Variants in MIER2 observed in about 807,000 individuals in gnomAD.
MIER2 encodes the protein mesoderm induction early response protein 2.
Under a neutral mutation model 67.6 loss-of-function variants are expected in MIER2, and 30 were observed. That is an observed-to-expected ratio of 0.44 (90% CI 0.33 to 0.60). The LOEUF (loss-of-function observed/expected upper bound fraction) is 0.60. MIER2 is among the 20% of genes least tolerant of loss of function. The pLI is 0.02. For synonymous variants in MIER2, 372 were observed against 312.6 expected (o/e 1.19, Z -2.00); for missense variants, 702 against 745.1 (o/e 0.94, Z 0.67).
intron 7 of MIER2, among the ~76,000 whole-genome samples, chr19:324,195 C>G (rs546147227): frequency 7.0e-6 from 1 of 143,132 alleles, no homozygotes. Context: ...CACAACCACG[C>G]AGACGACTCG....
chr19:316,891 C>T (rs565488199), intron 7 of MIER2, among the ~76,000 whole-genome samples: 154 of 152,076 alleles, frequency 1.0e-3, no homozygotes, highest in Middle Eastern at 3.4e-3. Flanking sequence ...ATCGCTTGAG[C>T]CCAGGAGGCG....
chr19:336,143 CGCGAGGACTCTGCCTCCCCA>C lies in MIER2; in HGVS notation c.20_39del (p.Leu7ArgfsTer44), dbSNP rs756923808. 2 of 1,613,424 alleles carry C rather than the reference CGCGAGGACTCTGCCTCCCCA, an allele frequency of 1.2e-6. No homozygotes were observed. Among genetic ancestry groups the C allele is most frequent in the Non-Finnish European group, 1.7e-6 (2 of 1,179,540 alleles). On this transcript the variant is annotated frameshift_variant, in exon 2 of 14. Coordinates refer to ENST00000264819, the MANE Select transcript of MIER2 (RefSeq NM_017550.3). LOFTEE classifies it high-confidence loss of function. ...AGGCTGTGCTCGAGGCAGGAGACCA[CGCGAGGACTCTGCCTCCCCA>C]GCGAGGAGGCCTGCGAAGGAAGAGA... is the stretch of plus-strand genomic sequence containing the variant.
At chr19:344,073 G>A (rs1293769622) in intron 1 of MIER2, 1 of 985,314 alleles carries the variant, frequency 1.0e-6, no homozygotes, top group African/African-American at 1.7e-5. Context: ...TTCAGATAAA[G>A]GGTCCCGGGC....
chr19:324,715 A>G lies in MIER2; in HGVS notation c.655+920T>C, dbSNP rs549340750. 5.3e-5 allele frequency among the ~76,000 whole-genome samples: 8 copies of G among 152,368 alleles called. No homozygotes were observed. The East Asian group carries it at 1.3e-3, about 26-fold the overall frequency. Reference sequence around the variant, plus strand: ...TGACACAGGTGTCATACCGAGTGGGAGGGGCCAGCTGGCATCCCATGGGAC... The same window carrying G: ...TGACACAGGTGTCATACCGAGTGGGGGGGGCCAGCTGGCATCCCATGGGAC... On this transcript the variant is annotated intron_variant, in intron 7 of 13. Transcript: ENST00000264819.
chr19:338,693 G>A (rs10416141), intron 1 of MIER2, among the ~76,000 whole-genome samples: 14,393 of 152,212 alleles, frequency 0.095, 970 homozygotes, highest in African/African-American at 0.18. Context: ...GTGTGGTACT[G>A]CCATAAGGAC....
chr19:332,281 C>T (rs1288563839), intron 3 of MIER2, among the ~76,000 whole-genome samples: 1 of 151,622 alleles, frequency 6.6e-6, no homozygotes, highest in East Asian at 1.9e-4. Flanking sequence ...AATGAGTTAG[C>T]GAATAAGTAT....
At chr19:317,417 C>T (rs1971289577) in intron 7 of MIER2, among the ~76,000 whole-genome samples, 1 of 143,146 alleles carries the variant, frequency 7.0e-6, no homozygotes, top group East Asian at 1.9e-4. Flanking sequence ...GTCCCAGCTA[C>T]TCAGGAGGCT....
At chr19:315,552 C>T (rs72984443) in intron 7 of MIER2, among the ~76,000 whole-genome samples, 19,565 of 152,226 alleles carry the variant, frequency 0.13, 1,651 homozygotes, top group African/African-American at 0.22. Context: ...CCTTCCAGGA[C>T]TGGATAATAC....
intron 1 of MIER2, among the ~76,000 whole-genome samples, chr19:336,546 C>A (rs756878858): frequency 1.3e-5 from 2 of 152,200 alleles, no homozygotes; most frequent in Non-Finnish European, 2.9e-5. Context: ...AGCGTAGGGT[C>A]CACTGATACC....
chr19:337,124 G>A (rs1250547302), intron 1 of MIER2, among the ~76,000 whole-genome samples: 2 of 152,148 alleles, frequency 1.3e-5, no homozygotes, highest in Non-Finnish European at 1.5e-5. Context: ...CATTATGGGT[G>A]TGAGCTACCG....
chr19:343,821 C>T lies in MIER2; in HGVS notation c.9+953G>A, dbSNP rs1568242126. On this transcript the variant is annotated intron_variant, in intron 1 of 13. Coordinates refer to ENST00000264819, the MANE Select transcript of MIER2 (RefSeq NM_017550.3). ...GCACCTTCACCTACATTATCTCTTTCCATCTTCACCAGGGCCCTCCAAGGT... is the reference window on the plus strand; with the variant it reads ...GCACCTTCACCTACATTATCTCTTTTCATCTTCACCAGGGCCCTCCAAGGT... 9 of 984,386 alleles carry T rather than the reference C, an allele frequency of 9.1e-6. No individual in the cohort carries two copies. The South Asian group carries it at 4.2e-4, about 46-fold the overall frequency. 61.0% of individuals were successfully genotyped at this position (984,386 alleles called of 1,614,324 possible).
intron 10 of MIER2, 78 bp from the exon 11 acceptor site, chr19:309,003 TG>T: frequency 6.8e-7 from 1 of 1,479,850 alleles, no homozygotes; most frequent in South Asian, 1.2e-5. Flanking sequence ...CAGGACGTCC[TG>T]GGACCCCGGG....
intron 3 of MIER2, among the ~76,000 whole-genome samples, chr19:332,958 T>C (rs1360712059): frequency 3.5e-5 from 1 of 28,762 alleles, no homozygotes; most frequent in Admixed American, 4.5e-4. Flanking sequence ...GCTGGGACTA[T>C]AGACGTGCAC....
At chr19:327,349 C>A in intron 4 of MIER2, 93 bp from the exon 5 acceptor site, 1 of 1,431,502 alleles carries the variant, frequency 7.0e-7, no homozygotes, top group Non-Finnish European at 9.4e-7. Context: ...ACTGGGAGTG[C>A]CCTGAGGCTC....
At chr19:330,836 C>T (rs1293000931) in intron 3 of MIER2, among the ~76,000 whole-genome samples, 5 of 152,138 alleles carry the variant, frequency 3.3e-5, no homozygotes, top group Non-Finnish European at 7.3e-5. Flanking sequence ...GATCATGGAC[C>T]TTTCTGCCTC....
rs1018639542 is a variant in MIER2 at position 306,500 on chromosome 19, C to T, written c.*190G>A. 6 of 766,426 alleles carry T rather than the reference C, an allele frequency of 7.8e-6. No individual in the cohort carries two copies. The highest frequency in any genetic ancestry group is 3.5e-5 in the African/African-American group (2 of 57,106). The allele number at this position is 766,426 out of a possible 1,614,324, so 47.5% of individuals were successfully genotyped here. A position where few individuals can be genotyped will look rare whatever the true frequency, so the allele number is the denominator to read the frequency against. ...ACGGCGCTGGGTGGGGCCGTGGGTCCATTCTGTGTGGACAGGGGCAAGGGC... is the reference window on the plus strand; with the variant it reads ...ACGGCGCTGGGTGGGGCCGTGGGTCTATTCTGTGTGGACAGGGGCAAGGGC... On this transcript the variant is annotated 3_prime_UTR_variant, in exon 14 of 14. Coordinates refer to ENST00000264819, the MANE Select transcript of MIER2 (RefSeq NM_017550.3).
intron 1 of MIER2, chr19:344,273 G>C: frequency 1.0e-6 from 1 of 985,274 alleles, no homozygotes; most frequent in Non-Finnish European, 1.2e-6. Flanking sequence ...AGCCCCGCCG[G>C]GGGGCTCGCG....
intron 1 of MIER2, chr19:343,707 G>T: frequency 2.3e-6 from 1 of 443,676 alleles, no homozygotes. Context: ...CCAGAGATAG[G>T]ATCAGCTCTT....
At chr19:316,569 C>A (rs1423748983) in intron 7 of MIER2, among the ~76,000 whole-genome samples, 1 of 152,232 alleles carries the variant, frequency 6.6e-6, no homozygotes, top group African/African-American at 2.4e-5. Flanking sequence ...GGATTATAGG[C>A]ATGAGCCACC....
Sources: gnomAD v4.1 joint callset for allele counts (sites outside exome capture counted in the v4.1 genomes callset) on GRCh38, gnomAD v4.1.1 for gene constraint, MANE v1.5 for transcripts, NCBI Gene and HGNC (gene_info 2026-07-23, HGNC 2026-07-21) for gene names.